The following ATG7 variants were observed in gnomAD, a reference collection of about 807,000 sequenced individuals.
ATG7 encodes autophagy related 7.
ATG7 carries 70 observed loss-of-function variants against 82.4 expected under a neutral mutation model. The observed-to-expected ratio is 0.85, with a 90% confidence interval of 0.70 to 1.04. The LOEUF (loss-of-function observed/expected upper bound fraction) is 1.04. ATG7 is among the 50% of genes least tolerant of loss of function. The probability of loss-of-function intolerance (pLI) is 0.00; values close to 1 mark genes in which losing one functional copy is unlikely to be tolerated. For synonymous variants in ATG7, 287 were observed against 313.0 expected, an observed-to-expected ratio of 0.92 and a Z score of 0.88; for missense variants, 792 against 864.3, an observed-to-expected ratio of 0.92 and a Z score of 1.05.
chr3:11,354,736 A>G (rs2075816292), intron 14 of ATG7, among the ~76,000 whole-genome samples: 2 of 151,608 alleles, frequency 1.3e-5, no homozygotes, highest in Admixed American at 6.6e-5. Flanking sequence ...ATCTGCTTCA[A>G]CCCTAATGAG....
At chr3:11,554,574 C>T (rs925555156) in intron 20 of ATG7, among the ~76,000 whole-genome samples, 2 of 152,162 alleles carry the variant, frequency 1.3e-5, no homozygotes, top group African/African-American at 2.4e-5. Context: ...AGGCACATTC[C>T]CCAGTGCAAA....
chr3:11,527,049 G>GTGTGTGTATA (rs2092595082), intron 20 of ATG7, among the ~76,000 whole-genome samples: 1 of 61,434 alleles, frequency 1.6e-5, no homozygotes, highest in African/African-American at 4.5e-5. Context: ...ATATGTGTGT[G>GTGTGTGTATA]TGTGTGTGTG....
intron 20 of ATG7, among the ~76,000 whole-genome samples, chr3:11,544,623 G>A (rs1337742255): frequency 7.9e-5 from 12 of 152,174 alleles, no homozygotes; most frequent in Admixed American, 2.0e-4. Context: ...GCTTGCCCCC[G>A]CCCACCCCTG....
At chr3:11,298,982 A>G (rs1217625096) in intron 4 of ATG7, 127 bp downstream of exon 4, 3 of 1,053,750 alleles carry the variant, frequency 2.8e-6, no homozygotes, top group East Asian at 5.0e-5. Context: ...ACTAGTTTCT[A>G]TTTTACTTCC....
chr3:11,284,368 G>C (rs1314106221), intron 3 of ATG7, among the ~76,000 whole-genome samples: 1 of 152,090 alleles, frequency 6.6e-6, no homozygotes, highest in Non-Finnish European at 1.5e-5. Flanking sequence ...AGCTTCTTTA[G>C]TCACAAAATG....
intron 20 of ATG7, among the ~76,000 whole-genome samples, chr3:11,478,496 A>G (rs1318565149): frequency 2.0e-5 from 3 of 152,186 alleles, no homozygotes; most frequent in Admixed American, 2.0e-4. Context: ...ATCATGAGGG[A>G]TTTGGAATCT....
At chr3:11,461,262 G>C (rs896896394) in intron 20 of ATG7, among the ~76,000 whole-genome samples, 3 of 152,220 alleles carry the variant, frequency 2.0e-5, no homozygotes, top group African/African-American at 7.2e-5. Context: ...GTGTCCCTTA[G>C]GAAATGTGTT....
intron 20 of ATG7, among the ~76,000 whole-genome samples, chr3:11,507,828 C>T (rs2091822529): frequency 6.6e-6 from 1 of 152,038 alleles, no homozygotes; most frequent in African/African-American, 2.4e-5. Flanking sequence ...CCATTTCCTG[C>T]TTAAAGGACT....
intron 19 of ATG7, among the ~76,000 whole-genome samples, chr3:11,410,709 A>G (rs1028850825): frequency 1.3e-5 from 2 of 152,098 alleles, no homozygotes; most frequent in East Asian, 3.8e-4. Context: ...TCTCAAAGTT[A>G]CTCCATGGTG....
chr3:11,304,871 A>G (rs1575308790), intron 5 of ATG7, among the ~76,000 whole-genome samples: 1 of 152,320 alleles, frequency 6.6e-6, no homozygotes, highest in East Asian at 1.9e-4. Context: ...ATATACCATA[A>G]AATTCACCCC....
At position 11,537,618 on chromosome 3, in the gene ATG7, A is replaced by G. The variant is rs544705647; in HGVS notation, c.2080-17193A>G. 9.8e-5 allele frequency among the ~76,000 whole-genome samples: 15 copies of G among 152,292 alleles called. No individual in the cohort carries two copies. In the East Asian group the frequency reaches 2.5e-3, roughly 25 times the overall value. The stretch of plus-strand genomic sequence containing the variant: ...AGAGTGATTATAAAACAAACTACAC[A>G]TGCAACACGAACTCCTCAGTCAATC... On this transcript the variant is annotated intron_variant, in intron 20 of 20. Coordinates refer to ENST00000693202, the MANE Select transcript of ATG7 (RefSeq NM_001349232.2).
chr3:11,352,438 CA>C (rs2075629805), intron 14 of ATG7, among the ~76,000 whole-genome samples: 1 of 152,208 alleles, frequency 6.6e-6, no homozygotes, highest in Admixed American at 6.5e-5. Flanking sequence ...CTGTCTTGCA[CA>C]ATGGTTAAAC....
At chr3:11,342,341 A>C in intron 13 of ATG7, 62 bp downstream of exon 13, 1 of 1,532,600 alleles carries the variant, frequency 6.5e-7, no homozygotes, top group Non-Finnish European at 8.7e-7. Context: ...TTCTTGTTTT[A>C]CTCTCATGAT....
chr3:11,383,111 C>T lies in ATG7; in HGVS notation c.1956+3059C>T, dbSNP rs147471869. ...GTTTGCACAATACTATTTTCTAATC[C>T]ACAGTCTGTGTATTCAATGTTGTTG... is the stretch of plus-strand genomic sequence containing the variant. On this transcript the variant is annotated intron_variant, in intron 19 of 20. Transcript: ENST00000693202. 4.7e-3 allele frequency among the ~76,000 whole-genome samples: 722 copies of T among 152,250 alleles called. 3 individuals are homozygous for T. The highest frequency in any genetic ancestry group is 0.016 in the African/African-American group (664 of 41,536).
At chr3:11,432,604 T>C (rs2082998864) in intron 20 of ATG7, among the ~76,000 whole-genome samples, 1 of 152,028 alleles carries the variant, frequency 6.6e-6, no homozygotes, top group African/African-American at 2.4e-5. Context: ...CTAAAGAACT[T>C]ATCTACATAA....
intron 20 of ATG7, among the ~76,000 whole-genome samples, chr3:11,489,053 AGCTATTG>A (rs1176039187): frequency 0.011 from 1,721 of 152,128 alleles, 30 homozygotes; most frequent in African/African-American, 0.039. Context: ...TTGGTTGGTA[AGCTATTG>A]ATTATTGCCA....
chr3:11,534,475 T>C (rs570048394), intron 20 of ATG7, among the ~76,000 whole-genome samples: 2 of 152,330 alleles, frequency 1.3e-5, no homozygotes, highest in East Asian at 3.9e-4. Flanking sequence ...GGGTTAGACA[T>C]GCTCATGGAG....
At chr3:11,511,659 G>T (rs557086664) in intron 20 of ATG7, among the ~76,000 whole-genome samples, 2 of 152,212 alleles carry the variant, frequency 1.3e-5, no homozygotes, top group Non-Finnish European at 2.9e-5. Flanking sequence ...GGTGCTCGTC[G>T]GGGAGGCTCC....
At chr3:11,348,232 T>C (rs1954873428) in intron 14 of ATG7, 197 bp downstream of exon 14, 1 of 659,686 alleles carries the variant, frequency 1.5e-6, no homozygotes, top group South Asian at 2.2e-5. Context: ...TGGTGGCTCA[T>C]ACCTGCAATC....
Sources: gnomAD v4.1 joint callset for allele counts (sites outside exome capture counted in the v4.1 genomes callset) on GRCh38, gnomAD v4.1.1 for gene constraint, MANE v1.5 for transcripts, NCBI Gene and HGNC (gene_info 2026-07-23, HGNC 2026-07-21) for gene names.